MMP26: variants seen among roughly 807,000 people sequenced by gnomAD.
MMP26 encodes matrix metallopeptidase 26.
In MMP26, 33 loss-of-function variants were observed where a neutral mutation model predicts 31.0. The ratio of observed to expected loss-of-function variants is 1.06; its 90% CI spans 0.81 to 1.42. MMP26 has a LOEUF of 1.42. Among genes scored for constraint, MMP26 ranks in the 40% most tolerant of loss-of-function variants. The pLI, the probability that MMP26 is intolerant of heterozygous loss-of-function variation, is 0.00. For synonymous variants in MMP26, 122 were observed against 114.9 expected (o/e 1.06, Z -0.40); for missense variants, 347 against 316.1 (o/e 1.10, Z -0.74).
At chr11:4,774,412 G>A (rs987433896) in intron 2 of MMP26, among the ~76,000 whole-genome samples, 1 of 152,092 alleles carries the variant, frequency 6.6e-6, no homozygotes, top group East Asian at 1.9e-4. Flanking sequence ...TTTGTTGGCT[G>A]CATGAATGTC....
At chr11:4,799,375 G>T (rs1278882309) in intron 2 of MMP26, among the ~76,000 whole-genome samples, 2 of 151,800 alleles carry the variant, frequency 1.3e-5, no homozygotes, top group Non-Finnish European at 2.9e-5. Context: ...AGAAGGGGGG[G>T]GTCTCAGGCT....
At chr11:4,783,468 G>A (rs72868728) in intron 2 of MMP26, among the ~76,000 whole-genome samples, 3 of 152,284 alleles carry the variant, frequency 2.0e-5, no homozygotes, top group Non-Finnish European at 2.9e-5. Flanking sequence ...ACTTGCTTTC[G>A]ATTTTACAGG....
At chr11:4,927,542 T>A (rs1421981176) in intron 2 of MMP26, among the ~76,000 whole-genome samples, 2 of 152,156 alleles carry the variant, frequency 1.3e-5, no homozygotes, top group Non-Finnish European at 1.5e-5. Flanking sequence ...CAGCTAAGAC[T>A]GAGAGCTCAG....
At chr11:4,875,524 T>C (rs1850367831) in intron 2 of MMP26, 1 of 152,108 alleles carries the variant, frequency 6.6e-6, no homozygotes, top group African/African-American at 2.4e-5. Context: ...CACTTACCTT[T>C]TCCATCTTCT....
intron 2 of MMP26, chr11:4,924,377 A>G: frequency 6.5e-7 from 1 of 1,541,256 alleles, no homozygotes; most frequent in Non-Finnish European, 8.7e-7. Flanking sequence ...TGGAATATAG[A>G]ATGAGATTCC....
intron 2 of MMP26, among the ~76,000 whole-genome samples, chr11:4,815,257 G>A (rs1248887176): frequency 1.3e-5 from 2 of 152,140 alleles, no homozygotes; most frequent in African/African-American, 4.8e-5. Flanking sequence ...TCTCAGGTGA[G>A]CAAAGGGATG....
chr11:4,723,696 C>T, intron 1 of MMP26: 1 of 962,162 alleles, frequency 1.0e-6, no homozygotes. Flanking sequence ...TGCCAAGCTT[C>T]AGCTTCTCCT....
chr11:4,898,322 C>T (rs1850744185), intron 2 of MMP26, among the ~76,000 whole-genome samples: 1 of 151,672 alleles, frequency 6.6e-6, no homozygotes, highest in Admixed American at 6.6e-5. Context: ...TATCTTTTTC[C>T]CCTCTTATTT....
At position 4,915,520 on chromosome 11, in the gene MMP26, G is replaced by T. The variant is rs1212260300; in HGVS notation, c.-144-72548G>T. On this transcript the variant is annotated intron_variant, in intron 2 of 7. Transcript: ENST00000380390. ...CTGTTTTAATGATAAAAAGAATTGTGCAGTTGCCCGGGATGGAAACCAGAT... is the reference window on the plus strand; with the variant it reads ...CTGTTTTAATGATAAAAAGAATTGTTCAGTTGCCCGGGATGGAAACCAGAT... 3.7e-6 allele frequency: 6 copies of T among 1,614,010 alleles called. No homozygotes were observed. The Admixed American group carries it at 1.0e-4, about 27-fold the overall frequency.
intron 2 of MMP26, among the ~76,000 whole-genome samples, chr11:4,845,239 G>T (rs1003238948): frequency 2.0e-5 from 3 of 151,880 alleles, no homozygotes; most frequent in Non-Finnish European, 2.9e-5. Context: ...TATAAAACAC[G>T]GATGAAAGAA....
intron 2 of MMP26, among the ~76,000 whole-genome samples, chr11:4,898,870 T>TGTGTGTGTGA (rs1554889597): frequency 1.4e-5 from 2 of 144,418 alleles, no homozygotes; most frequent in African/African-American, 5.3e-5. Flanking sequence ...TGTGTGTGTG[T>TGTGTGTGTGA]GTGTGTTCTT....
At chr11:4,774,587 A>G (rs1335994916) in intron 2 of MMP26, among the ~76,000 whole-genome samples, 1 of 151,934 alleles carries the variant, frequency 6.6e-6, no homozygotes, top group Non-Finnish European at 1.5e-5. Flanking sequence ...TTGCCTGTTC[A>G]CTCTGATGAT....
chr11:4,773,444 G>A (rs1848751424), intron 2 of MMP26, among the ~76,000 whole-genome samples: 1 of 152,098 alleles, frequency 6.6e-6, no homozygotes, highest in Non-Finnish European at 1.5e-5. Context: ...CAGGCCACAA[G>A]GAACTAATAG....
chr11:4,925,328 C>T (rs1260803215), intron 2 of MMP26, among the ~76,000 whole-genome samples: 1 of 152,100 alleles, frequency 6.6e-6, no homozygotes, highest in East Asian at 1.9e-4. Context: ...TAGAAGAGAA[C>T]ATTAAAAAAA....
chr11:4,850,583 C>T lies in MMP26; in HGVS notation c.-145+83242C>T, dbSNP rs543380976. On this transcript the variant is annotated intron_variant, in intron 2 of 7. Coordinates refer to ENST00000380390, the MANE Select transcript of MMP26 (RefSeq NM_021801.5). Reference sequence around the variant, plus strand: ...ACTGAAATTCTGGACAAAAAGACCACGAAAATTGGGATCTAAAGAAAAGTA... The same window carrying T: ...ACTGAAATTCTGGACAAAAAGACCATGAAAATTGGGATCTAAAGAAAAGTA... Among the ~76,000 whole-genome samples the T allele has an allele frequency of 5.9e-5, 9 of 151,880 alleles. No homozygotes were observed. The South Asian group carries it at 8.3e-4, about 14-fold the overall frequency.
At chr11:4,882,661 T>A (rs796199972) in intron 2 of MMP26, 2 of 1,613,970 alleles carry the variant, frequency 1.2e-6, no homozygotes, top group Non-Finnish European at 8.5e-7. Context: ...CTATTTTCTA[T>A]GTGCCACTGA....
At chr11:4,781,245 A>T (rs1334239306) in intron 2 of MMP26, among the ~76,000 whole-genome samples, 1 of 152,314 alleles carries the variant, frequency 6.6e-6, no homozygotes, top group East Asian at 1.9e-4. Context: ...GTACACAAAA[A>T]AGGGTTAATT....
At chr11:4,961,931 T>G (rs11034915) in intron 2 of MMP26, among the ~76,000 whole-genome samples, 72,838 of 151,988 alleles carry the variant, frequency 0.48, 18,616 homozygotes, top group South Asian at 0.64. Context: ...ATCATTTGCC[T>G]TTAATATGGA....
At chr11:4,730,412 G>A (rs983385728) in intron 1 of MMP26, among the ~76,000 whole-genome samples, 2 of 151,888 alleles carry the variant, frequency 1.3e-5, no homozygotes, top group Middle Eastern at 3.2e-3. Flanking sequence ...GAAAGAGAGA[G>A]AGAGAGAGAG....
Sources: gnomAD v4.1 joint callset for allele counts (sites outside exome capture counted in the v4.1 genomes callset) on GRCh38, gnomAD v4.1.1 for gene constraint, MANE v1.5 for transcripts, NCBI Gene and HGNC (gene_info 2026-07-23, HGNC 2026-07-21) for gene names.